Variants in NMBR observed in about 807,000 individuals in gnomAD.
NMBR encodes the protein neuromedin-B receptor.
Under a neutral mutation model 20.5 loss-of-function variants are expected in NMBR, and 16 were observed. The observed-to-expected ratio is 0.78, with a 90% CI of 0.53 to 1.19. NMBR has a LOEUF of 1.19. NMBR is among the 50% of genes most tolerant of loss of function. The probability of loss-of-function intolerance (pLI) is 0.00; values close to 1 mark genes in which losing one functional copy is unlikely to be tolerated. For missense variants in NMBR, 582 were observed against 499.1 expected (o/e 1.17, Z -1.58); for synonymous variants, 212 against 196.6 (o/e 1.08, Z -0.65).
rs775363080 is a variant in NMBR at position 142,074,568 on chromosome 6, A to T, written c.*1080T>A. Among the ~76,000 whole-genome samples, 9 of 152,174 alleles carry T rather than the reference A, an allele frequency of 5.9e-5. No individual in the cohort carries two copies. The highest frequency in any genetic ancestry group is 9.7e-5 in the African/African-American group (4 of 41,450). ...AATCAATACATTTGCATTTTCCTAA[A>T]AAAAGAAGACATTTGTTCAGAGAAA... On this transcript the variant is annotated 3_prime_UTR_variant, in exon 4 of 4. Coordinates refer to ENST00000258042, the MANE Select transcript of NMBR (RefSeq NM_002511.4).
In NMBR at chr6:142,075,972, G is replaced by A; in HGVS notation, c.849C>T (p.His283=). 1 of 1,613,556 alleles carries A rather than the reference G, an allele frequency of 6.2e-7. No individual in the cohort carries two copies. The highest frequency in any genetic ancestry group is 8.5e-7 in the Non-Finnish European group (1 of 1,179,762). The part of the protein sequence containing the change: ...GCFIFCWFPN[H]ILYMYRSFNY... ...TGAAAGACCGATACATGTAAAGGAT[G>A]TGGTTTGGAAACCAACAGAAGATGA... The change falls in exon 4 of 4, where the codon CAC becomes CAT. Residue 283 remains histidine (H), a synonymous_variant. Coordinates refer to ENST00000258042, the MANE Select transcript of NMBR (RefSeq NM_002511.4).
At chr6:142,137,377 A>C (rs1410975975) in intron 1 of NMBR, among the ~76,000 whole-genome samples, 2 of 152,294 alleles carry the variant, frequency 1.3e-5, no homozygotes, top group Non-Finnish European at 1.5e-5. Context: ...GTTGCTTATC[A>C]GCTTAAGGAG....
At chr6:142,135,022 G>A in intron 1 of NMBR, 1 of 443,500 alleles carries the variant, frequency 2.3e-6, no homozygotes, top group South Asian at 5.6e-5. Context: ...ACTTCAATGT[G>A]TCTGAAATTT....
chr6:142,126,346 T>C (rs1057056264), intron 1 of NMBR, among the ~76,000 whole-genome samples: 4 of 151,822 alleles, frequency 2.6e-5, no homozygotes, highest in African/African-American at 7.2e-5. Context: ...CCTTGGCTAT[T>C]GTTGAATCAG....
chr6:142,084,722 C>A (rs1450251872), intron 2 of NMBR, among the ~76,000 whole-genome samples: 1 of 152,018 alleles, frequency 6.6e-6, no homozygotes, highest in Non-Finnish European at 1.5e-5. Context: ...CATCAGAGGC[C>A]AAAAGATCTT....
chr6:142,122,706 A>T (rs1777965175), intron 1 of NMBR, among the ~76,000 whole-genome samples: 1 of 151,958 alleles, frequency 6.6e-6, no homozygotes, highest in Non-Finnish European at 1.5e-5. Context: ...GTAGCCCTTA[A>T]GAATTATGCT....
At chr6:142,091,473 C>T (rs538905453) in intron 1 of NMBR, among the ~76,000 whole-genome samples, 2 of 152,278 alleles carry the variant, frequency 1.3e-5, no homozygotes, top group East Asian at 3.9e-4. Flanking sequence ...AATCCTCTTG[C>T]CTCAGCCTCC....
chr6:142,134,828 C>A (rs1778221010), intron 1 of NMBR: 9 of 664,632 alleles, frequency 1.4e-5, no homozygotes, highest in Non-Finnish European at 1.9e-5. Flanking sequence ...TTTCTCATTG[C>A]AATAAATACA....
At chr6:142,146,184 C>A (rs1356298937) in intron 1 of NMBR, among the ~76,000 whole-genome samples, 1 of 152,210 alleles carries the variant, frequency 6.6e-6, no homozygotes, top group East Asian at 1.9e-4. Context: ...ATGGACTTTG[C>A]AAATAGGTCT....
intron 1 of NMBR, among the ~76,000 whole-genome samples, chr6:142,121,331 G>T (rs1335394842): frequency 6.6e-6 from 1 of 151,884 alleles, no homozygotes; most frequent in African/African-American, 2.4e-5. Context: ...AAGCAAAAGA[G>T]TCACAGGTCT....
chr6:142,076,209 C>T (rs1776945749), intron 3 of NMBR, among the ~76,000 whole-genome samples, 160 bp from the exon 4 acceptor site: 1 of 152,138 alleles, frequency 6.6e-6, no homozygotes, highest in South Asian at 2.1e-4. Flanking sequence ...TGGATTTTAA[C>T]AGTTTGATAA....
Position 142,088,362 on chromosome 6 carries a change from CA to C in NMBR, c.296del (p.Val99GlyfsTer20). The stretch of plus-strand genomic sequence containing the variant: ...CGTCGAAGAAGTAGCGCGAGGCGTC[CA>C]CCGGGACGCAGGTGAGCAGCAGCAG... ...DLLLLLTCVP[V>X]DASRYFFDEW... On this transcript the variant is annotated frameshift_variant, in exon 2 of 4. Coordinates refer to ENST00000258042, the MANE Select transcript of NMBR (RefSeq NM_002511.4). LOFTEE classifies it high-confidence loss of function. 6.2e-7 allele frequency: 1 copy of C among 1,614,178 alleles called. No homozygotes were observed. The highest frequency in any genetic ancestry group is 1.1e-5 in the South Asian group (1 of 91,084).
At chr6:142,128,156 C>T (rs186045543) in intron 1 of NMBR, among the ~76,000 whole-genome samples, 2 of 151,990 alleles carry the variant, frequency 1.3e-5, no homozygotes, top group Admixed American at 6.6e-5. Flanking sequence ...CAGCTCCCCA[C>T]GCTTTCTCTC....
At chr6:142,141,154 C>G (rs966670659) in intron 1 of NMBR, among the ~76,000 whole-genome samples, 1 of 152,104 alleles carries the variant, frequency 6.6e-6, no homozygotes, top group Non-Finnish European at 1.5e-5. Context: ...GTGTAACATT[C>G]ACCAAAAGAG....
intron 1 of NMBR, among the ~76,000 whole-genome samples, chr6:142,097,416 T>C (rs1356597925): frequency 1.3e-5 from 2 of 152,078 alleles, no homozygotes; most frequent in Non-Finnish European, 2.9e-5. Context: ...AAACGCATCA[T>C]AAGTTGAAAA....
rs772656617 is a variant in NMBR at position 142,075,965 on chromosome 6, A to C, written c.856T>G (p.Tyr286Asp). The C allele has an allele frequency of 1.2e-6, 2 of 1,613,838 alleles. No individual in the cohort carries two copies. The highest frequency in any genetic ancestry group is 2.2e-5 in the South Asian group (2 of 91,040). The change falls in exon 4 of 4, where the codon TAC becomes GAC. Residue 286 changes from tyrosine (Y) to aspartate (D), a missense_variant. Physicochemically the swap from Tyr to Asp is radical, Grantham distance 160 (BLOSUM62 -3). Transcript: ENST00000258042. ...TTATAGTTGAAAGACCGATACATGT[A>C]AAGGATGTGGTTTGGAAACCAACAG... is the stretch of plus-strand genomic sequence containing the variant. ...IFCWFPNHILYMYRSFNYNEI... is the reference protein window; with the variant it reads ...IFCWFPNHILDMYRSFNYNEI...
intron 1 of NMBR, among the ~76,000 whole-genome samples, chr6:142,121,297 C>T (rs1248151543): frequency 6.6e-6 from 1 of 151,832 alleles, no homozygotes; most frequent in East Asian, 1.9e-4. Context: ...CAAATAATAA[C>T]CCAACAAAGG....
In NMBR at chr6:142,075,351, A is replaced by G. The variant is rs1175263298; in HGVS notation, c.*297T>C. On this transcript the variant is annotated 3_prime_UTR_variant, in exon 4 of 4. Coordinates refer to ENST00000258042, the MANE Select transcript of NMBR (RefSeq NM_002511.4). ...TTATACATATTGCATTGGTTTGGGG[A>G]TCATCTTAAATGTGAAATATATATA... Among the ~76,000 whole-genome samples, 1 of 152,140 alleles carries G rather than the reference A, an allele frequency of 6.6e-6. No homozygotes were observed. The highest frequency in any genetic ancestry group is 2.4e-5 in the African/African-American group (1 of 41,432).
chr6:142,078,896 C>A lies in NMBR; in HGVS notation c.430G>T (p.Ala144Ser). The A allele has an allele frequency of 6.3e-7, 1 of 1,594,262 alleles. No homozygotes were observed. Among genetic ancestry groups the A allele is most frequent in the Non-Finnish European group, 8.6e-7 (1 of 1,169,450 alleles). ...TGCATGTCCATGGGGTTAACGATGGCTCTGTACCTGGGAAAATGATACATC... is the reference window on the plus strand; with the variant it reads ...TGCATGTCCATGGGGTTAACGATGGATCTGTACCTGGGAAAATGATACATC... ...LTALSADRYRAIVNPMDMQTS... is the reference protein window; with the variant it reads ...LTALSADRYRSIVNPMDMQTS... The change falls in exon 3 of 4, where the codon GCC becomes TCC. Residue 144 changes from alanine (A) to serine (S), a missense_variant. Transcript: ENST00000258042.
Sources: gnomAD v4.1 joint callset for allele counts (sites outside exome capture counted in the v4.1 genomes callset) on GRCh38, gnomAD v4.1.1 for gene constraint, MANE v1.5 for transcripts, NCBI Gene and HGNC (gene_info 2026-07-23, HGNC 2026-07-21) for gene names.